CMTM8: variants seen among roughly 807,000 people sequenced by gnomAD.
CMTM8 encodes the protein CKLF-like MARVEL transmembrane domain-containing protein 8.
A neutral mutation model predicts 18.6 loss-of-function variants in CMTM8; 12 were observed. That is an observed-to-expected ratio of 0.65 (90% CI 0.41 to 1.05). The LOEUF is 1.05. Ranked by LOEUF, CMTM8 falls within the 50% of genes least tolerant of loss-of-function variation. CMTM8 has a pLI of 0.00. For synonymous variants in CMTM8, 87 were observed against 90.6 expected (o/e 0.96, Z 0.23); for missense variants, 217 against 227.2 (o/e 0.95, Z 0.29).
chr3:32,266,828 C>A (rs1702353523), intron 1 of CMTM8, among the ~76,000 whole-genome samples: 1 of 152,158 alleles, frequency 6.6e-6, no homozygotes, highest in Admixed American at 6.5e-5. Context: ...ACAGCCAAAT[C>A]ATGAGTGAAC....
intron 1 of CMTM8, among the ~76,000 whole-genome samples, chr3:32,353,095 G>T (rs892752339): frequency 6.6e-6 from 1 of 152,304 alleles, no homozygotes; most frequent in East Asian, 1.9e-4. Flanking sequence ...CCCAGTTCAA[G>T]CTATTCTCCT....
At chr3:32,260,140 C>T in intron 1 of CMTM8, 1 of 1,098,198 alleles carries the variant, frequency 9.1e-7, no homozygotes, top group Non-Finnish European at 1.4e-6. Flanking sequence ...GCAGCAACTC[C>T]ATGCAAACCA....
intron 1 of CMTM8, among the ~76,000 whole-genome samples, chr3:32,277,851 A>C (rs1415565010): frequency 6.6e-6 from 1 of 152,228 alleles, no homozygotes; most frequent in Non-Finnish European, 1.5e-5. Flanking sequence ...TCATGGCAGT[A>C]ATCCTTTGGA....
intron 2 of CMTM8, among the ~76,000 whole-genome samples, 163 bp from the exon 3 acceptor site, chr3:32,367,709 C>G (rs1697066126): frequency 6.6e-6 from 1 of 152,160 alleles, no homozygotes; most frequent in African/African-American, 2.4e-5. Context: ...ACCCTCTCCT[C>G]TCGCACTTAG....
At chr3:32,291,312 G>A (rs1702776748) in intron 1 of CMTM8, among the ~76,000 whole-genome samples, 1 of 151,800 alleles carries the variant, frequency 6.6e-6, no homozygotes, top group African/African-American at 2.4e-5. Flanking sequence ...TGTTGTTGTT[G>A]TATTTTTTTA....
chr3:32,358,086 G>T lies in CMTM8; in HGVS notation c.321+540G>T, dbSNP rs556628909. On this transcript the variant is annotated intron_variant, in intron 2 of 3. Coordinates refer to ENST00000307526, the MANE Select transcript of CMTM8 (RefSeq NM_178868.5). The surrounding 1 kb of genome is among the most constrained non-coding windows in gnomAD (Gnocchi z 4.1). ...CAGGAATGACTGGATTCTCATCCTG[G>T]CTCTGGCACCATGCTGGATGCAGGA... Among the ~76,000 whole-genome samples, 2 of 152,296 alleles carry T rather than the reference G, an allele frequency of 1.3e-5. No homozygotes were observed. Among genetic ancestry groups the T allele is most frequent in the African/African-American group, 4.8e-5 (2 of 41,556 alleles).
At chr3:32,362,567 G>A (rs6778069) in intron 2 of CMTM8, among the ~76,000 whole-genome samples, 139,238 of 152,210 alleles carry the variant, frequency 0.91, 64,228 homozygotes, top group South Asian at 0.97. Flanking sequence ...GAGTCTGTTT[G>A]GCTCCCAGTA....
Position 32,358,379 on chromosome 3 carries a change from A to T in CMTM8, c.321+833A>T, listed in dbSNP as rs183396169. Among the ~76,000 whole-genome samples, 56 of 152,336 alleles carry T rather than the reference A, an allele frequency of 3.7e-4. No homozygotes were observed. The highest frequency in any genetic ancestry group is 1.3e-3 in the African/African-American group (54 of 41,568). On this transcript the variant is annotated intron_variant, in intron 2 of 3. Coordinates refer to ENST00000307526, the MANE Select transcript of CMTM8 (RefSeq NM_178868.5). The surrounding 1 kb of genome is among the most constrained non-coding windows in gnomAD (Gnocchi z 4.1). ...CTGGTTGGCAAATTCAAAGTAGCTA[A>T]ATGATTTACAAAAAAAATCCCAGTG... is the stretch of plus-strand genomic sequence containing the variant.
intron 1 of CMTM8, among the ~76,000 whole-genome samples, chr3:32,285,252 C>T (rs957366230): frequency 3.9e-5 from 6 of 152,098 alleles, no homozygotes; most frequent in African/African-American, 1.2e-4. Context: ...CAGTGGCTCA[C>T]GCCCGTAATC....
rs1297993191 is a variant in CMTM8 at position 32,264,406 on chromosome 3, G to C, written c.147+25287G>C. On this transcript the variant is annotated intron_variant, in intron 1 of 3. Coordinates refer to ENST00000307526, the MANE Select transcript of CMTM8 (RefSeq NM_178868.5). ...TCCTTTACAGACAAGCAAATGCTGA[G>C]CGATTTTGTCACCACTAGGCCTGCC... 2.0e-5 allele frequency among the ~76,000 whole-genome samples: 3 copies of C among 152,190 alleles called. No individual in the cohort carries two copies. The South Asian group carries it at 6.2e-4, about 32-fold the overall frequency.
intron 1 of CMTM8, among the ~76,000 whole-genome samples, chr3:32,297,314 G>A (rs1012331349): frequency 5.3e-5 from 8 of 152,032 alleles, no homozygotes; most frequent in African/African-American, 1.9e-4. Flanking sequence ...AAGTAGCTGG[G>A]ATTACAGGCG....
rs114979765 is a variant in CMTM8 at position 32,244,301 on chromosome 3, C to T, written c.147+5182C>T. 8.9e-4 allele frequency among the ~76,000 whole-genome samples: 135 copies of T among 152,300 alleles called. 1 individual carries two copies. The highest frequency in any genetic ancestry group is 3.1e-3 in the African/African-American group (128 of 41,582). On this transcript the variant is annotated intron_variant, in intron 1 of 3. Coordinates refer to ENST00000307526, the MANE Select transcript of CMTM8 (RefSeq NM_178868.5). ...AACTCCTGGGCTCGAACAGTCCTCC[C>T]GCCACAGTCTCCTGAGGAACTGGGA...
chr3:32,325,675 A>C (rs372645735), intron 1 of CMTM8, among the ~76,000 whole-genome samples: 48 of 152,310 alleles, frequency 3.2e-4, no homozygotes, highest in African/African-American at 1.0e-3. Flanking sequence ...CTCCTCCCCT[A>C]CAATATTTCT....
chr3:32,258,739 G>A (rs758595692), intron 1 of CMTM8, among the ~76,000 whole-genome samples: 28 of 151,942 alleles, frequency 1.8e-4, no homozygotes, highest in Non-Finnish European at 4.0e-4. Context: ...TCAAACTTCC[G>A]GGCTCAAGCA....
chr3:32,251,773 AG>A (rs1398872654), intron 1 of CMTM8, among the ~76,000 whole-genome samples: 1 of 150,832 alleles, frequency 6.6e-6, no homozygotes, highest in African/African-American at 2.4e-5. Context: ...AAGAAAATAT[AG>A]GGGAATTTTT....
At chr3:32,335,173 G>A (rs1696362414) in intron 1 of CMTM8, among the ~76,000 whole-genome samples, 1 of 152,212 alleles carries the variant, frequency 6.6e-6, no homozygotes, top group Admixed American at 6.5e-5. Context: ...TGGAAGGAAG[G>A]ATCTGGCTTG....
At position 32,301,344 on chromosome 3, in the gene CMTM8, CA is replaced by C. The variant is rs1321358208; in HGVS notation, c.148-56020del. On this transcript the variant is annotated intron_variant, in intron 1 of 3. Transcript: ENST00000307526. Reference sequence around the variant, plus strand: ...TATATGAGTCAAGAGCTGACCTTTTCAAAAAAAAATTATACTTTGACAGCTG... The same window carrying C: ...TATATGAGTCAAGAGCTGACCTTTTCAAAAAAAATTATACTTTGACAGCTG... Among the ~76,000 whole-genome samples, 6 of 144,970 alleles carry C rather than the reference CA, an allele frequency of 4.1e-5. No homozygotes were observed. In the East Asian group the frequency reaches 8.1e-4, roughly 19 times the overall value.
intron 1 of CMTM8, among the ~76,000 whole-genome samples, chr3:32,334,115 A>T (rs866380823): frequency 6.6e-6 from 1 of 151,648 alleles, no homozygotes; most frequent in Non-Finnish European, 1.5e-5. Context: ...AGTAGCTGGG[A>T]TTACAGGCAC....
intron 1 of CMTM8, among the ~76,000 whole-genome samples, chr3:32,293,273 A>G (rs1228753450): frequency 6.6e-6 from 1 of 152,098 alleles, no homozygotes; most frequent in Non-Finnish European, 1.5e-5. Context: ...TGCTCAGGCC[A>G]GGCGTGGTGG....
Sources: gnomAD v4.1 joint callset for allele counts (sites outside exome capture counted in the v4.1 genomes callset) on GRCh38, gnomAD v4.1.1 for gene constraint, Gnocchi (gnomAD v3.1) non-coding constraint, MANE v1.5 for transcripts, NCBI Gene and HGNC (gene_info 2026-07-23, HGNC 2026-07-21) for gene names.